PCGF5: variants seen among roughly 807,000 people sequenced by gnomAD.
The protein encoded by PCGF5 is polycomb group RING finger protein 5.
In PCGF5, 9 loss-of-function variants were observed where a neutral mutation model predicts 44.3. The ratio of observed to expected loss-of-function variants is 0.20; its 90% CI spans 0.12 to 0.35. PCGF5 has a LOEUF of 0.35. Among genes scored for constraint, PCGF5 ranks in the 10% least tolerant of loss-of-function variants. The pLI is 1.00. For missense variants in PCGF5, 146 were observed against 305.3 expected (o/e 0.48, Z 3.89); for synonymous variants, 95 against 102.5 (o/e 0.93, Z 0.44).
At chr10:91,227,337 C>A in intron 2 of PCGF5, 1 of 1,066,126 alleles carries the variant, frequency 9.4e-7, no homozygotes, top group Non-Finnish European at 1.3e-6. Flanking sequence ...TTCTTCTTAG[C>A]TGCAGAATCC....
chr10:91,273,517 T>A (rs191119635), intron 9 of PCGF5, among the ~76,000 whole-genome samples: 58 of 152,328 alleles, frequency 3.8e-4, no homozygotes, highest in African/African-American at 1.3e-3. Context: ...TCATTAATAG[T>A]CTTCATTAAT....
intron 6 of PCGF5, among the ~76,000 whole-genome samples, chr10:91,253,842 T>C (rs1366239852): frequency 6.6e-6 from 1 of 152,108 alleles, no homozygotes; most frequent in African/African-American, 2.4e-5. Context: ...TTAGGCTCTG[T>C]AGGCCATATG....
chr10:91,265,811 C>T (rs1372314488), intron 8 of PCGF5, among the ~76,000 whole-genome samples: 1 of 152,036 alleles, frequency 6.6e-6, no homozygotes, highest in African/African-American at 2.4e-5. Flanking sequence ...TAGTAAAAGC[C>T]CTGCTTAAAG....
At chr10:91,242,716 T>G (rs1845360192) in intron 3 of PCGF5, among the ~76,000 whole-genome samples, 1 of 152,212 alleles carries the variant, frequency 6.6e-6, no homozygotes, top group Non-Finnish European at 1.5e-5. Flanking sequence ...CTCGTTTGCT[T>G]TATCATGTGC....
intron 1 of PCGF5, among the ~76,000 whole-genome samples, chr10:91,195,657 G>A (rs7919504): frequency 0.046 from 6,926 of 151,554 alleles, 471 homozygotes; most frequent in African/African-American, 0.16. Flanking sequence ...GGCTAGTCTC[G>A]AACTCCTGGG....
At chr10:91,162,568 A>C (rs1843404873), upstream of PCGF5, among the ~76,000 whole-genome samples, 1 of 152,044 alleles carries the variant, frequency 6.6e-6, no homozygotes, top group African/African-American at 2.4e-5. Context: ...CTCCTTGCCA[A>C]GGTCGGGCCA....
intron 2 of PCGF5, chr10:91,227,814 C>T (rs573405411): frequency 2.0e-6 from 2 of 988,292 alleles, no homozygotes; most frequent in African/African-American, 3.5e-5. Flanking sequence ...TGTTTGCTCT[C>T]CTTGAAATGA....
Position 91,281,495 on chromosome 10 carries a change from G to A in PCGF5, c.*3179G>A, listed in dbSNP as rs1308960236. The A allele has an allele frequency of 1.3e-5, 2 of 152,542 alleles. No individual in the cohort carries two copies. The highest frequency in any genetic ancestry group is 1.9e-4 in the East Asian group (1 of 5,194). The allele number at this position is 152,542 out of a possible 1,614,324, so 9.4% of individuals were successfully genotyped here. A position where few individuals can be genotyped will look rare whatever the true frequency, so the allele number is the denominator to read the frequency against. The stretch of plus-strand genomic sequence containing the variant: ...TTCTGTTTTAAATTTACTGCATAAA[G>A]TTTGAGTTATCTGTACCTGTCTCTT... On this transcript the variant is annotated 3_prime_UTR_variant, in exon 10 of 10. Coordinates refer to ENST00000336126, the MANE Select transcript of PCGF5 (RefSeq NM_032373.5).
At chr10:91,225,198 ATTTT>A (rs1844786134) in intron 2 of PCGF5, among the ~76,000 whole-genome samples, 4 of 148,026 alleles carry the variant, frequency 2.7e-5, no homozygotes, top group Middle Eastern at 3.6e-3. Flanking sequence ...GGATATATAT[ATTTT>A]TATATATATC....
At chr10:91,202,463 T>A (rs745589416) in intron 1 of PCGF5, among the ~76,000 whole-genome samples, 6 of 152,242 alleles carry the variant, frequency 3.9e-5, no homozygotes, top group Non-Finnish European at 7.3e-5. Flanking sequence ...ACAAAGTAGT[T>A]AACAGGATTG....
At chr10:91,227,056 A>G (rs1305289319) in intron 2 of PCGF5, among the ~76,000 whole-genome samples, 1 of 152,178 alleles carries the variant, frequency 6.6e-6, no homozygotes. Flanking sequence ...TAACAAACCA[A>G]AGGAAATAAA....
chr10:91,272,670 G>A (rs1353589973), intron 9 of PCGF5, among the ~76,000 whole-genome samples: 1 of 152,130 alleles, frequency 6.6e-6, no homozygotes, highest in Non-Finnish European at 1.5e-5. Flanking sequence ...CTACTAAGGA[G>A]GTTGAGGCGG....
chr10:91,240,240 G>A (rs982878415), intron 2 of PCGF5, among the ~76,000 whole-genome samples: 4 of 152,132 alleles, frequency 2.6e-5, no homozygotes, highest in African/African-American at 9.7e-5. Flanking sequence ...GTAGTATTTG[G>A]TGTGTGAATG....
At chr10:91,250,905 T>A (rs914544830) in intron 5 of PCGF5, among the ~76,000 whole-genome samples, 1 of 105,962 alleles carries the variant, frequency 9.4e-6, no homozygotes, top group African/African-American at 6.7e-5. Flanking sequence ...TATATACTTA[T>A]TTATAAACGA....
At chr10:91,234,880 T>A (rs1205595906) in intron 2 of PCGF5, among the ~76,000 whole-genome samples, 2 of 152,220 alleles carry the variant, frequency 1.3e-5, no homozygotes, top group African/African-American at 2.4e-5. Flanking sequence ...GCCTCAACAT[T>A]ATCTGGAACA....
chr10:91,203,185 A>C lies in PCGF5; in HGVS notation c.-183-19504A>C, dbSNP rs144531926. Among the ~76,000 whole-genome samples, 1,019 of 152,330 alleles carry C rather than the reference A, an allele frequency of 6.7e-3. 8 individuals carry two copies. Among genetic ancestry groups the C allele is most frequent in the African/African-American group, 0.023 (968 of 41,582 alleles). ...CACTATCAAGACTAACCCATTCAGCAGGGCTTTGTATAGCCAAGGTTTTGT... is the reference window on the plus strand; with the variant it reads ...CACTATCAAGACTAACCCATTCAGCCGGGCTTTGTATAGCCAAGGTTTTGT... On this transcript the variant is annotated intron_variant, in intron 1 of 9. Coordinates refer to the PCGF5 transcript ENST00000614189.
intron 1 of PCGF5, among the ~76,000 whole-genome samples, chr10:91,213,619 C>T (rs998906706): frequency 4.0e-5 from 6 of 151,772 alleles, no homozygotes; most frequent in African/African-American, 7.3e-5. Flanking sequence ...CATGCACCAC[C>T]ACACCAGGCT....
chr10:91,169,711 C>T (rs1843569743), intron 1 of PCGF5, among the ~76,000 whole-genome samples: 1 of 152,104 alleles, frequency 6.6e-6, no homozygotes, highest in Non-Finnish European at 1.5e-5. Flanking sequence ...CAACTGTATT[C>T]ATATATTTAA....
intron 9 of PCGF5, among the ~76,000 whole-genome samples, chr10:91,277,227 C>G (rs1412735065): frequency 6.6e-6 from 1 of 152,210 alleles, no homozygotes; most frequent in African/African-American, 2.4e-5. Context: ...ATAGTAAGCA[C>G]TGAAATGGTC....
Sources: gnomAD v4.1 joint callset for allele counts (sites outside exome capture counted in the v4.1 genomes callset) on GRCh38, gnomAD v4.1.1 for gene constraint, MANE v1.5 for transcripts, NCBI Gene and HGNC (gene_info 2026-07-23, HGNC 2026-07-21) for gene names.